TDRD5: variants seen among roughly 807,000 people sequenced by gnomAD.
TDRD5 encodes the protein tudor domain containing 5.
In TDRD5, 41 loss-of-function variants were observed where a neutral mutation model predicts 120.6. The ratio of observed to expected loss-of-function variants is 0.34; its 90% CI spans 0.26 to 0.44. The LOEUF is 0.44. Ranked by LOEUF, TDRD5 falls within the 20% of genes least tolerant of loss-of-function variation. The pLI is 1.00. For missense variants in TDRD5, 1,006 were observed against 1,221.2 expected (o/e 0.82, Z 2.63); for synonymous variants, 430 against 433.7 (o/e 0.99, Z 0.11).
At position 179,593,760 on chromosome 1, in the gene TDRD5, T is replaced by C; in HGVS notation, c.533T>C (p.Val178Ala). 1 of 1,614,246 alleles carries C rather than the reference T, an allele frequency of 6.2e-7. No individual in the cohort carries two copies. Among genetic ancestry groups the C allele is most frequent in the Non-Finnish European group, 8.5e-7 (1 of 1,180,044 alleles). Residue 178 changes from valine (V) to alanine (A), a missense_variant, in exon 3 of 18, where the codon GTG becomes GCG. Physicochemically the swap from Val to Ala is moderately conservative, Grantham distance 64. This residue lies in a region of TDRD5 where 445 missense variants were observed against 515.5 expected (regional missense o/e 0.86). Transcript: ENST00000444136. ...MQYGFLSMFE[V>A]LNAASDVISV... ...TATGGATTTCTCTCTATGTTTGAAG[T>C]GCTTAATGCGGCTTCAGATGTCATT...
chr1:179,593,842 G>A lies in TDRD5; in HGVS notation c.615G>A (p.Glu205=). The A allele has an allele frequency of 6.2e-7, 1 of 1,613,404 alleles. No individual in the cohort carries two copies. Among genetic ancestry groups the A allele is most frequent in the Non-Finnish European group, 8.5e-7 (1 of 1,179,552 alleles). The part of the protein sequence containing the change: ...SLLMLKKSVT[E]EKPRGCPAGK... ...TGATGCTAAAGAAGAGTGTAACAGA[G>A]GAAAAGCCGAGAGGATGTCCAGCAG... The change falls in exon 3 of 18, where the codon GAG becomes GAA. Residue 205 remains glutamate, a synonymous_variant. Coordinates refer to ENST00000444136, the MANE Select transcript of TDRD5 (RefSeq NM_001199085.3).
At chr1:179,679,523 A>AT (rs904385887) in intron 17 of TDRD5, among the ~76,000 whole-genome samples, 19 of 152,258 alleles carry the variant, frequency 1.2e-4, no homozygotes, top group African/African-American at 3.4e-4. Flanking sequence ...GAAGGAAGGT[A>AT]TTTTAAGCTA....
intron 6 of TDRD5, among the ~76,000 whole-genome samples, chr1:179,629,222 C>T (rs1677302531): frequency 6.6e-6 from 1 of 151,688 alleles, no homozygotes; most frequent in African/African-American, 2.4e-5. Flanking sequence ...GATAACAACC[C>T]AATATAAAAC....
chr1:179,643,165 T>C (rs1678145264), intron 11 of TDRD5, among the ~76,000 whole-genome samples: 1 of 152,158 alleles, frequency 6.6e-6, no homozygotes, highest in South Asian at 2.1e-4. Context: ...GAACAGAGAT[T>C]TCTGTTGCTA....
In TDRD5 at chr1:179,634,623, A is replaced by G; in HGVS notation, c.1293A>G (p.Leu431=). The G allele has an allele frequency of 6.2e-7, 1 of 1,609,144 alleles. No individual in the cohort carries two copies. Among genetic ancestry groups the G allele is most frequent in the East Asian group, 2.2e-5 (1 of 44,856 alleles). The change falls in exon 8 of 18, where the codon TTA becomes TTG. Residue 431 remains leucine, a synonymous_variant. Transcript: ENST00000444136. ...AGCCTAATCTGGTGGTAAAGCCTTT[A>G]CAGCTGGTGAGTGAGGTTTAAAGAC... The part of the protein sequence containing the change: ...CKKPNLVVKP[L]QLQVETNKSE...
At chr1:179,682,319 C>T (rs578145683) in intron 17 of TDRD5, among the ~76,000 whole-genome samples, 83 of 152,012 alleles carry the variant, frequency 5.5e-4, no homozygotes, top group African/African-American at 2.0e-3. Context: ...TAGGTATACA[C>T]GTGCCATGGT....
intron 16 of TDRD5, among the ~76,000 whole-genome samples, chr1:179,665,905 T>A (rs1679532900): frequency 6.6e-6 from 1 of 152,180 alleles, no homozygotes; most frequent in South Asian, 2.1e-4. Flanking sequence ...TAGGATACAG[T>A]CCTCTCCTGC....
At chr1:179,627,568 T>C (rs181339256) in intron 6 of TDRD5, among the ~76,000 whole-genome samples, 1 of 152,334 alleles carries the variant, frequency 6.6e-6, no homozygotes, top group Non-Finnish European at 1.5e-5. Flanking sequence ...ATCCTAGTTA[T>C]ATAAATTGAG....
intron 7 of TDRD5, among the ~76,000 whole-genome samples, chr1:179,633,928 T>C (rs1423687778): frequency 2.6e-5 from 4 of 151,622 alleles, no homozygotes; most frequent in Admixed American, 1.3e-4. Context: ...TCCCAGCACT[T>C]TGGGAGGCCG....
chr1:179,687,911 A>G (rs1680833508), intron 17 of TDRD5, among the ~76,000 whole-genome samples: 1 of 140,602 alleles, frequency 7.1e-6, no homozygotes, highest in Non-Finnish European at 1.5e-5. Context: ...TTCTTCCTCC[A>G]TCCCTTTATT....
chr1:179,611,064 CTT>C (rs752583547), intron 4 of TDRD5, among the ~76,000 whole-genome samples: 16 of 144,848 alleles, frequency 1.1e-4, no homozygotes, highest in Non-Finnish European at 1.7e-4. Flanking sequence ...TGTTGTGATA[CTT>C]TTTTTTTTTT....
At position 179,691,058 on chromosome 1, in the gene TDRD5, G is replaced by A. The variant is rs765820299; in HGVS notation, c.*115G>A. 212 of 1,370,848 alleles carry A rather than the reference G, an allele frequency of 1.5e-4. No individual in the cohort carries two copies. The highest frequency in any genetic ancestry group is 2.0e-4 in the Non-Finnish European group (207 of 1,037,722). 84.9% of individuals were successfully genotyped at this position (1,370,848 alleles called of 1,614,324 possible). The stretch of plus-strand genomic sequence containing the variant: ...TAGTATCTTGATCATTGATACTTTT[G>A]TCTTTCTGTGACTATATGTTAGCTT... On this transcript the variant is annotated 3_prime_UTR_variant, in exon 18 of 18. Coordinates refer to ENST00000444136, the MANE Select transcript of TDRD5 (RefSeq NM_001199085.3).
chr1:179,621,134 A>C, intron 6 of TDRD5, 43 bp downstream of exon 6: 1 of 1,549,774 alleles, frequency 6.5e-7, no homozygotes, highest in Non-Finnish European at 8.7e-7. Context: ...TTTATGGCTT[A>C]TATTTCTTGT....
chr1:179,678,613 T>A (rs144929034), intron 17 of TDRD5, among the ~76,000 whole-genome samples: 303 of 152,366 alleles, frequency 2.0e-3, no homozygotes, highest in Non-Finnish European at 3.6e-3. Flanking sequence ...TTTTGTAGTT[T>A]TCAGGTGCAT....
intron 17 of TDRD5, among the ~76,000 whole-genome samples, chr1:179,681,981 TA>T (rs1045901860): frequency 9.0e-3 from 28 of 3,128 alleles, no homozygotes; most frequent in African/African-American, 0.024. Context: ...GACTCTGTCT[TA>T]AAAAAAAAAA....
intron 3 of TDRD5, 99 bp downstream of exon 3, chr1:179,593,966 A>G (rs1475948614): frequency 9.7e-6 from 14 of 1,445,326 alleles, no homozygotes; most frequent in African/African-American, 1.4e-5. Context: ...TGGCTCTACT[A>G]CTTGCCAGCT....
chr1:179,659,981 C>T (rs1679212971), intron 14 of TDRD5, among the ~76,000 whole-genome samples: 1 of 152,064 alleles, frequency 6.6e-6, no homozygotes, highest in African/African-American at 2.4e-5. Flanking sequence ...CAGGCATGAG[C>T]CACTGTGCTC....
intron 6 of TDRD5, among the ~76,000 whole-genome samples, chr1:179,627,577 A>G (rs1445602199): frequency 6.6e-6 from 1 of 152,222 alleles, no homozygotes; most frequent in Non-Finnish European, 1.5e-5. Flanking sequence ...ATATAAATTG[A>G]GTTTGGAACA....
intron 17 of TDRD5, 57 bp downstream of exon 17, chr1:179,669,461 G>C: frequency 1.3e-6 from 2 of 1,591,516 alleles, no homozygotes; most frequent in Non-Finnish European, 1.7e-6. Context: ...GGTTTGCCAT[G>C]TTGCTAAAAC....
Sources: gnomAD v4.1 joint callset for allele counts (sites outside exome capture counted in the v4.1 genomes callset) on GRCh38, gnomAD v4.1.1 for gene constraint, gnomAD v4.1.1 regional missense constraint, MANE v1.5 for transcripts, NCBI Gene and HGNC (gene_info 2026-07-23, HGNC 2026-07-21) for gene names.